The following GRID1 variants were observed in gnomAD, a reference collection of about 807,000 sequenced individuals.
GRID1 encodes the protein glutamate ionotropic receptor delta type subunit 1.
Under a neutral mutation model 98.0 loss-of-function variants are expected in GRID1, and 28 were observed. That is an observed-to-expected ratio of 0.29 (90% CI 0.21 to 0.39). GRID1 has a LOEUF of 0.39. Among genes scored for constraint, GRID1 ranks in the 10% least tolerant of loss-of-function variants. GRID1 has a pLI of 1.00. For missense variants in GRID1, 1,111 were observed against 1,340.5 expected, an observed-to-expected ratio of 0.83 and a Z score of 2.67; for synonymous variants, 553 against 538.5, an observed-to-expected ratio of 1.03 and a Z score of -0.37.
intron 8 of GRID1, among the ~76,000 whole-genome samples, chr10:85,839,456 T>C (rs1564606138): frequency 6.6e-6 from 1 of 152,158 alleles, no homozygotes; most frequent in Non-Finnish European, 1.5e-5. Context: ...ACAGTGTAAT[T>C]AAATTAGAAA....
chr10:85,871,845 A>G (rs1843281449), intron 5 of GRID1, among the ~76,000 whole-genome samples: 1 of 152,214 alleles, frequency 6.6e-6, no homozygotes, highest in African/African-American at 2.4e-5. Context: ...ATATTTCCTA[A>G]ATATACTGAA....
intron 15 of GRID1, 63 bp from the exon 16 acceptor site, chr10:85,602,764 C>T: frequency 7.9e-7 from 1 of 1,272,766 alleles, no homozygotes; most frequent in Non-Finnish European, 1.1e-6. Flanking sequence ...TGGCTTGCTA[C>T]AGCTCTGGAT....
chr10:85,613,288 G>T, intron 15 of GRID1, 119 bp downstream of exon 15: 1 of 956,166 alleles, frequency 1.0e-6, no homozygotes, highest in Non-Finnish European at 1.5e-6. Context: ...AAACACTGCT[G>T]CCTCCAGACA....
At chr10:85,807,921 T>C (rs1184604087) in intron 8 of GRID1, among the ~76,000 whole-genome samples, 1 of 152,194 alleles carries the variant, frequency 6.6e-6, no homozygotes, top group East Asian at 1.9e-4. Flanking sequence ...TTAAACAACA[T>C]AGTTGCACAT....
chr10:86,093,998 T>C (rs1844184460), intron 4 of GRID1, among the ~76,000 whole-genome samples: 1 of 152,182 alleles, frequency 6.6e-6, no homozygotes, highest in African/African-American at 2.4e-5. Flanking sequence ...TAATCCACCA[T>C]GATCAAGTGG....
At chr10:85,733,149 C>T (rs955269533) in intron 8 of GRID1, among the ~76,000 whole-genome samples, 1 of 152,196 alleles carries the variant, frequency 6.6e-6, no homozygotes, top group Non-Finnish European at 1.5e-5. Flanking sequence ...AATGAATGTT[C>T]AGCCCAATAT....
intron 8 of GRID1, among the ~76,000 whole-genome samples, chr10:85,773,074 A>G (rs942479088): frequency 3.3e-5 from 5 of 152,366 alleles, no homozygotes; most frequent in African/African-American, 7.2e-5. Flanking sequence ...AAAATCCTCA[A>G]TAAAATACTG....
intron 12 of GRID1, among the ~76,000 whole-genome samples, chr10:85,705,942 G>A (rs1464795889): frequency 6.6e-6 from 1 of 152,148 alleles, no homozygotes; most frequent in Non-Finnish European, 1.5e-5. Flanking sequence ...CAATAAATTA[G>A]GTATTGATGG....
chr10:85,788,399 T>C (rs1003258460), intron 8 of GRID1, among the ~76,000 whole-genome samples: 3 of 152,200 alleles, frequency 2.0e-5, no homozygotes, highest in Non-Finnish European at 4.4e-5. Context: ...GTGTTCTTTC[T>C]TATGGTCTTG....
chr10:85,628,731 GT>G (rs1342064737), intron 13 of GRID1, among the ~76,000 whole-genome samples: 1 of 152,202 alleles, frequency 6.6e-6, no homozygotes, highest in Non-Finnish European at 1.5e-5. Flanking sequence ...GACAGGCTCA[GT>G]CGGGGGACAA....
intron 8 of GRID1, among the ~76,000 whole-genome samples, chr10:85,775,078 A>C (rs990137615): frequency 1.3e-5 from 2 of 152,180 alleles, no homozygotes; most frequent in Non-Finnish European, 2.9e-5. Context: ...AACCAACCCA[A>C]ATGTCCATCA....
At chr10:85,879,068 T>C (rs1454298617) in intron 5 of GRID1, among the ~76,000 whole-genome samples, 1 of 151,974 alleles carries the variant, frequency 6.6e-6, no homozygotes, top group Non-Finnish European at 1.5e-5. Flanking sequence ...CAAGAAGAGC[T>C]AACTATCCTA....
Position 86,045,041 on chromosome 10 carries a change from C to T in GRID1, c.726+93778G>A, listed in dbSNP as rs117441417. 5.1e-4 allele frequency among the ~76,000 whole-genome samples: 77 copies of T among 152,326 alleles called. No homozygotes were observed. The East Asian group carries it at 6.0e-3, about 12-fold the overall frequency. On this transcript the variant is annotated intron_variant, in intron 4 of 15. Coordinates refer to ENST00000327946, the MANE Select transcript of GRID1 (RefSeq NM_017551.3). Reference sequence around the variant, plus strand: ...ATGCAAGGACCACAAATCCTTGCTCCGGCGCAGCCTGCAATTTAGGGGAAA... The same window carrying T: ...ATGCAAGGACCACAAATCCTTGCTCTGGCGCAGCCTGCAATTTAGGGGAAA...
chr10:85,961,735 A>C (rs1842270068), intron 4 of GRID1, among the ~76,000 whole-genome samples: 5 of 132,252 alleles, frequency 3.8e-5, no homozygotes, highest in African/African-American at 5.8e-5. Flanking sequence ...CTTCCTTCCC[A>C]TCCTCCTTCT....
chr10:85,825,015 T>C (rs1405469724), intron 8 of GRID1, among the ~76,000 whole-genome samples: 1 of 152,232 alleles, frequency 6.6e-6, no homozygotes, highest in Non-Finnish European at 1.5e-5. Flanking sequence ...TGTGAAGGTG[T>C]CTTTTTGATG....
intron 4 of GRID1, among the ~76,000 whole-genome samples, chr10:85,970,016 A>G (rs767335261): frequency 2.6e-5 from 4 of 151,994 alleles, no homozygotes; most frequent in Non-Finnish European, 5.9e-5. Flanking sequence ...GGATTTCACT[A>G]CTGACCTTAA....
At position 86,324,444 on chromosome 10, in the gene GRID1, G is replaced by T. The variant is rs371472699; in HGVS notation, c.235+39497C>A. Among the ~76,000 whole-genome samples the T allele has an allele frequency of 2.3e-3, 354 of 152,198 alleles. 1 individual carries two copies. Among genetic ancestry groups the T allele is most frequent in the African/African-American group, 7.8e-3 (322 of 41,506 alleles). On this transcript the variant is annotated intron_variant, in intron 2 of 15. Coordinates refer to ENST00000327946, the MANE Select transcript of GRID1 (RefSeq NM_017551.3). The stretch of plus-strand genomic sequence containing the variant: ...GCTCTCCACTGGGAGAAAGGGGGAG[G>T]GGACTTTTTGGTTGTCACAAGACGG...
chr10:86,160,423 C>T (rs1243893885), intron 3 of GRID1, among the ~76,000 whole-genome samples: 1 of 152,188 alleles, frequency 6.6e-6, no homozygotes. Context: ...CTCTTTAGGA[C>T]CAGTGACATC....
chr10:85,714,873 C>T (rs1564568178), intron 12 of GRID1, among the ~76,000 whole-genome samples: 1 of 151,964 alleles, frequency 6.6e-6, no homozygotes, highest in Non-Finnish European at 1.5e-5. Context: ...TGACATTCTT[C>T]ACAGAAATGG....
Sources: allele counts gnomAD v4.1 joint callset (sites outside exome capture counted in the v4.1 genomes callset), GRCh38; gene constraint gnomAD v4.1.1; transcripts MANE v1.5; gene names NCBI Gene and HGNC (gene_info 2026-07-23, HGNC 2026-07-21).